The following GTF2A2 variants were observed in gnomAD, a reference collection of about 807,000 sequenced individuals.
GTF2A2 encodes general transcription factor IIA subunit 2, also known as transcription initiation factor IIA subunit 2.
In GTF2A2, 9 loss-of-function variants were observed where a neutral mutation model predicts 14.3. The ratio of observed to expected loss-of-function variants is 0.63; its 90% CI spans 0.38 to 1.10. The LOEUF is 1.10. Among genes scored for constraint, GTF2A2 ranks in the 50% least tolerant of loss-of-function variants. GTF2A2 has a pLI of 0.01. For missense variants in GTF2A2, 90 were observed against 124.6 expected (o/e 0.72, Z 1.32); for synonymous variants, 56 against 46.0 (o/e 1.22, Z -0.88).
intron 1 of GTF2A2, among the ~76,000 whole-genome samples, chr15:59,654,683 T>G (rs1891891240): frequency 6.6e-6 from 1 of 152,196 alleles, no homozygotes; most frequent in Admixed American, 6.5e-5. Context: ...AAAGTGCTAA[T>G]ATATTAGAAA....
chr15:59,646,939 T>A (rs2141961492), intron 3 of GTF2A2, among the ~76,000 whole-genome samples: 1 of 151,472 alleles, frequency 6.6e-6, no homozygotes, highest in East Asian at 1.9e-4. Context: ...GATTTGAAAG[T>A]CAGAATCCAT....
intron 3 of GTF2A2, among the ~76,000 whole-genome samples, chr15:59,645,425 G>A (rs1017423346): frequency 1.3e-5 from 2 of 152,034 alleles, no homozygotes; most frequent in Admixed American, 6.6e-5. Flanking sequence ...CAGGGAATAC[G>A]AGAAAAGCTC....
chr15:59,643,339 CA>C (rs1378128818), intron 3 of GTF2A2, among the ~76,000 whole-genome samples: 1 of 151,920 alleles, frequency 6.6e-6, no homozygotes, highest in Admixed American at 6.6e-5. Flanking sequence ...CGTGGCCTCC[CA>C]AAGTGCTGGG....
intron 3 of GTF2A2, among the ~76,000 whole-genome samples, chr15:59,643,768 T>G (rs1891512324): frequency 1.7e-5 from 1 of 59,542 alleles, no homozygotes; most frequent in African/African-American, 7.4e-5. Context: ...CTGTCTAATT[T>G]TTATATTTTT....
At chr15:59,641,656 G>A (rs1326846250) in intron 4 of GTF2A2, among the ~76,000 whole-genome samples, 1 of 151,854 alleles carries the variant, frequency 6.6e-6, no homozygotes, top group African/African-American at 2.4e-5. Context: ...TAGGTCTGGT[G>A]TGAAAAGTTC....
At chr15:59,643,773 A>C (rs1891512618) in intron 3 of GTF2A2, among the ~76,000 whole-genome samples, 2 of 26,700 alleles carry the variant, frequency 7.5e-5, no homozygotes, top group African/African-American at 3.5e-4. Context: ...TAATTTTTAT[A>C]TTTTTAGTAG....
Position 59,656,257 on chromosome 15 carries a change from T to C in GTF2A2, c.-50+1149A>G, listed in dbSNP as rs144302556. On this transcript the variant is annotated intron_variant, in intron 1 of 4. Coordinates refer to ENST00000396060, the MANE Select transcript of GTF2A2 (RefSeq NM_004492.3). ...GGCCTAAAAGCATTTGTATTGGCTT[T>C]CCTATCTGCCTGAATGCTCTTCCTG... Among the ~76,000 whole-genome samples the C allele has an allele frequency of 3.8e-3, 581 of 152,326 alleles. 4 individuals carry two copies. The highest frequency in any genetic ancestry group is 4.8e-3 in the Non-Finnish European group (327 of 68,030).
At chr15:59,644,077 T>G (rs1485476341) in intron 3 of GTF2A2, among the ~76,000 whole-genome samples, 1 of 152,014 alleles carries the variant, frequency 6.6e-6, no homozygotes, top group African/African-American at 2.4e-5. Flanking sequence ...GTATTTTTAG[T>G]AGAGGCGGGG....
intron 1 of GTF2A2, among the ~76,000 whole-genome samples, chr15:59,654,226 C>G (rs10152209): frequency 0.66 from 100,721 of 152,006 alleles, 33,619 homozygotes; most frequent in African/African-American, 0.73. Context: ...TTTGGGCCCC[C>G]CAGTGCCTAC....
intron 1 of GTF2A2, among the ~76,000 whole-genome samples, chr15:59,654,011 C>T (rs1891870250): frequency 6.6e-6 from 1 of 152,312 alleles, no homozygotes; most frequent in African/African-American, 2.4e-5. Context: ...TACCCTAAGT[C>T]ACCATCATCT....
At chr15:59,657,246 G>T (rs1891977479) in intron 1 of GTF2A2, 160 bp downstream of exon 1, 1 of 152,440 alleles carries the variant, frequency 6.6e-6, no homozygotes, top group Non-Finnish European at 1.5e-5. Flanking sequence ...CCCTTCTCCG[G>T]TGCCGGCCGC....
chr15:59,638,809 A>AAAATGCATTATCTAAT lies in GTF2A2; in HGVS notation c.*307_*322dup, dbSNP rs1180256135. 6.2e-5 allele frequency: 13 copies of AAAATGCATTATCTAAT among 209,638 alleles called. No homozygotes were observed. Among genetic ancestry groups the AAAATGCATTATCTAAT allele is most frequent in the African/African-American group, 3.0e-4 (13 of 42,762 alleles). 13.0% of individuals were successfully genotyped at this position (209,638 alleles called of 1,614,324 possible). A position where few individuals can be genotyped will look rare whatever the true frequency, so the allele number is the denominator to read the frequency against. On this transcript the variant is annotated 3_prime_UTR_variant, in exon 5 of 5. Coordinates refer to ENST00000396060, the MANE Select transcript of GTF2A2 (RefSeq NM_004492.3). Reference sequence around the variant, plus strand: ...TCATGTTCCTTGCAAAGGAAATGGGAAAATGCATTATCTAATATCTTCATA... The same window carrying AAAATGCATTATCTAAT: ...TCATGTTCCTTGCAAAGGAAATGGGAAAATGCATTATCTAATAAATGCATTATCTAATATCTTCATA...
chr15:59,652,060 T>C (rs753807097), intron 2 of GTF2A2, 146 bp downstream of exon 2: 14 of 577,284 alleles, frequency 2.4e-5, no homozygotes, highest in African/African-American at 3.9e-5. Context: ...AAACAAGAAT[T>C]TGAGGTAATT....
chr15:59,645,730 G>A (rs1436861529), intron 3 of GTF2A2, among the ~76,000 whole-genome samples: 1 of 152,092 alleles, frequency 6.6e-6, no homozygotes, highest in African/African-American at 2.4e-5. Flanking sequence ...TGTAATCCAC[G>A]ATCTTAAGAG....
chr15:59,649,629 A>G (rs1253489057), intron 3 of GTF2A2, among the ~76,000 whole-genome samples: 3 of 152,218 alleles, frequency 2.0e-5, no homozygotes, highest in Non-Finnish European at 4.4e-5. Context: ...TCTTGAAGGC[A>G]TATTTTACTC....
At chr15:59,640,855 TTGTTCCTTGC>T (rs1317138488) in intron 4 of GTF2A2, among the ~76,000 whole-genome samples, 5 of 3,544 alleles carry the variant, frequency 1.4e-3, no homozygotes, top group African/African-American at 2.0e-3. Context: ...GACCCAAATA[TTGTTCCTTGC>T]TGTAATGACA....
chr15:59,641,181 C>CTTT lies in GTF2A2; in HGVS notation c.304+952_304+954dup, dbSNP rs374075324. Among the ~76,000 whole-genome samples the CTTT allele has an allele frequency of 1.8e-3, 260 of 141,370 alleles. 1 individual carries two copies. The highest frequency in any genetic ancestry group is 6.3e-3 in the African/African-American group (236 of 37,550). The allele number at this position is 141,370 out of a possible 152,430, so 92.7% of individuals were successfully genotyped here. A position where few individuals can be genotyped will look rare whatever the true frequency, so the allele number is the denominator to read the frequency against. ...CCAGCCTGGGCAATACAGCAAGACT[C>CTTT]TTTTTTTTTTTTTTTTTTTAAGGCT... On this transcript the variant is annotated intron_variant, in intron 4 of 4. Transcript: ENST00000396060.
intron 4 of GTF2A2, among the ~76,000 whole-genome samples, chr15:59,639,638 A>C (rs1184157583): frequency 4.7e-5 from 7 of 147,890 alleles, no homozygotes; most frequent in Non-Finnish European, 1.0e-4. Context: ...AATTTTTTGT[A>C]CTTTAGAGAC....
At chr15:59,648,934 AAAAAAC>A (rs1222074740) in intron 3 of GTF2A2, among the ~76,000 whole-genome samples, 278 of 152,288 alleles carry the variant, frequency 1.8e-3, no homozygotes, top group African/African-American at 6.4e-3. Context: ...ACTCTGTCTC[AAAAAAC>A]AAAAACAAAA....
Sources: gnomAD v4.1 joint callset for allele counts (sites outside exome capture counted in the v4.1 genomes callset) on GRCh38, gnomAD v4.1.1 for gene constraint, MANE v1.5 for transcripts, NCBI Gene and HGNC (gene_info 2026-07-23, HGNC 2026-07-21) for gene names.